ARHGEF10L: variants seen among roughly 807,000 people sequenced by gnomAD.
The protein encoded by ARHGEF10L is rho guanine nucleotide exchange factor 10-like protein.
Under a neutral mutation model 141.2 loss-of-function variants are expected in ARHGEF10L, and 69 were observed. That is an observed-to-expected ratio of 0.49 (90% CI 0.40 to 0.60). ARHGEF10L has a LOEUF of 0.60. Among genes scored for constraint, ARHGEF10L ranks in the 20% least tolerant of loss-of-function variants. ARHGEF10L has a pLI of 0.00. For missense variants in ARHGEF10L, 1,482 were observed against 1,734.3 expected, an observed-to-expected ratio of 0.85 and a Z score of 2.58; for synonymous variants, 711 against 718.5, an observed-to-expected ratio of 0.99 and a Z score of 0.17.
intron 18 of ARHGEF10L, 104 bp downstream of exon 18, chr1:17,635,120 A>C: frequency 7.2e-7 from 1 of 1,383,070 alleles, no homozygotes; most frequent in Non-Finnish European, 9.9e-7. Context: ...GGACCCCTAC[A>C]TAGGCTGATG....
chr1:17,618,258 C>G lies in ARHGEF10L; in HGVS notation c.836-1081C>G, dbSNP rs895694497. 28 of 1,185,206 alleles carry G rather than the reference C, an allele frequency of 2.4e-5. No homozygotes were observed. In the African/African-American group the frequency reaches 3.4e-4, roughly 14 times the overall value. The allele number at this position is 1,185,206 out of a possible 1,614,324, so 73.4% of individuals were successfully genotyped here. ...GCTGGCTAGGGCTCTCCTCAGCCCT[C>G]CCCACCCCGCCCACAAGCCCAGCGC... On this transcript the variant is annotated intron_variant, in intron 9 of 28. Transcript: ENST00000361221.
intron 6 of ARHGEF10L, among the ~76,000 whole-genome samples, chr1:17,605,054 G>C (rs970430482): frequency 6.6e-6 from 1 of 152,210 alleles, no homozygotes; most frequent in African/African-American, 2.4e-5. Flanking sequence ...TTTGTGACAA[G>C]GCTGCACAAA....
chr1:17,668,691 G>A (rs959788330), intron 26 of ARHGEF10L, among the ~76,000 whole-genome samples: 3 of 152,206 alleles, frequency 2.0e-5, no homozygotes, highest in Non-Finnish European at 4.4e-5. Flanking sequence ...GGGAGCACAC[G>A]CCCCCATGTG....
chr1:17,687,091 C>T (rs1203853608), intron 26 of ARHGEF10L, among the ~76,000 whole-genome samples: 2 of 152,130 alleles, frequency 1.3e-5, no homozygotes, highest in African/African-American at 4.8e-5. Context: ...CCCGTTCCTT[C>T]CCCGGTCATT....
At chr1:17,676,646 G>T (rs570874921) in intron 26 of ARHGEF10L, among the ~76,000 whole-genome samples, 1 of 152,044 alleles carries the variant, frequency 6.6e-6, no homozygotes, top group East Asian at 1.9e-4. Context: ...ATAGAACAAA[G>T]CTCCTATCAC....
upstream of ARHGEF10L, among the ~76,000 whole-genome samples, chr1:17,535,389 C>A (rs570571343): frequency 3.7e-4 from 57 of 152,344 alleles, no homozygotes; most frequent in African/African-American, 1.3e-3. Flanking sequence ...TGGTTCCTAA[C>A]AGGCCACAGC....
intron 1 of ARHGEF10L, among the ~76,000 whole-genome samples, chr1:17,548,785 A>G (rs987121850): frequency 2.1e-5 from 3 of 145,700 alleles, no homozygotes; most frequent in African/African-American, 7.7e-5. Flanking sequence ...AGTAGATGGG[A>G]TTACAGGTGC....
chr1:17,530,102 A>G, the ARHGEF10L span, among the ~76,000 whole-genome samples: 2 of 151,964 alleles, frequency 1.3e-5, no homozygotes, highest in African/African-American at 4.8e-5. Flanking sequence ...CAAAGTGCTG[A>G]GATTACAGAT....
chr1:17,673,418 G>A lies in ARHGEF10L; in HGVS notation c.3009+8823G>A, dbSNP rs1354337849. 1.3e-5 allele frequency among the ~76,000 whole-genome samples: 2 copies of A among 152,188 alleles called. No individual in the cohort carries two copies. Among genetic ancestry groups the A allele is most frequent in the Non-Finnish European group, 2.9e-5 (2 of 68,044 alleles). On this transcript the variant is annotated intron_variant, in intron 26 of 28. Coordinates refer to ENST00000361221, the MANE Select transcript of ARHGEF10L (RefSeq NM_018125.4). The surrounding 1 kb of genome is among the most constrained non-coding windows in gnomAD (Gnocchi z 4.1). ...CTTGGCAAGGAACAAATAGAGCCATGGACATGGATCCGCTGAATGTCAGCT... is the reference window on the plus strand; with the variant it reads ...CTTGGCAAGGAACAAATAGAGCCATAGACATGGATCCGCTGAATGTCAGCT...
rs2077412821 is a variant in ARHGEF10L, at chr1:17,558,169, G to GCATC, written c.-44+18234_-44+18237dup. Among the ~76,000 whole-genome samples, 6 of 149,654 alleles carry GCATC rather than the reference G, an allele frequency of 4.0e-5. No homozygotes were observed. The highest frequency in any genetic ancestry group is 2.1e-4 in the South Asian group (1 of 4,710). Reference sequence around the variant, plus strand: ...TCCATTTATCCATCCATCCATCTATGCATCCATCCATCCATCCACCCATCC... The same window carrying GCATC: ...TCCATTTATCCATCCATCCATCTATGCATCCATCCATCCATCCATCCACCCATCC... On this transcript the variant is annotated intron_variant, in intron 1 of 28. Coordinates refer to ENST00000361221, the MANE Select transcript of ARHGEF10L (RefSeq NM_018125.4). This position sits in a 1 kb window ranked among gnomAD's most constrained non-coding sequence, Gnocchi z 4.2.
intron 1 of ARHGEF10L, among the ~76,000 whole-genome samples, chr1:17,560,905 G>A (rs1027692621): frequency 2.0e-5 from 3 of 152,216 alleles, no homozygotes; most frequent in Admixed American, 1.3e-4. Context: ...GCACTGTGGG[G>A]ACACCCAGGG....
intron 15 of ARHGEF10L, among the ~76,000 whole-genome samples, chr1:17,628,808 A>G (rs1023206958): frequency 2.5e-4 from 38 of 152,218 alleles, no homozygotes; most frequent in African/African-American, 9.1e-4. Flanking sequence ...GGCCCTTTCC[A>G]TGTGTGCTGC....
Position 17,613,132 on chromosome 1 carries a change from G to T in ARHGEF10L, c.684G>T (p.Gly228=), listed in dbSNP as rs759241252. ...TKRDILALRV[G]GRDMQELKHK... ...GAGACATCTTGGCTTTGAGAGTTGG[G>T]GGGAGAGACATGCAGGAGCTGAAGC... The change falls in exon 8 of 29, where the codon GGG becomes GGT. Residue 228 remains glycine (G), a synonymous_variant. Transcript: ENST00000361221. The T allele has an allele frequency of 1.2e-6, 2 of 1,613,820 alleles. No individual in the cohort carries two copies. The highest frequency in any genetic ancestry group is 1.1e-5 in the South Asian group (1 of 91,002).
chr1:17,689,945 A>G (rs1255503380), intron 27 of ARHGEF10L: 5 of 426,224 alleles, frequency 1.2e-5, no homozygotes, highest in African/African-American at 2.1e-5. Flanking sequence ...TGTGTTTCAC[A>G]TGCACCTTCA....
At chr1:17,691,814 C>G (rs909789560) in intron 27 of ARHGEF10L, among the ~76,000 whole-genome samples, 9 of 152,088 alleles carry the variant, frequency 5.9e-5, no homozygotes, top group African/African-American at 9.7e-5. Context: ...TCCAAGTTTT[C>G]TCCTTTCCTT....
intron 26 of ARHGEF10L, among the ~76,000 whole-genome samples, chr1:17,670,853 C>T (rs1202684645): frequency 6.6e-6 from 1 of 152,228 alleles, no homozygotes; most frequent in Non-Finnish European, 1.5e-5. Context: ...CAGGCCTTCA[C>T]CTCTGTTGTT....
Position 17,603,243 on chromosome 1 carries a change from C to T in ARHGEF10L, c.350-265C>T, listed in dbSNP as rs991821017. ...GGGCCGGGAGCAGCTGTCCATTAGC[C>T]AGATGGGCAGGCCTGCGGGCAGCAG... On this transcript the variant is annotated intron_variant, in intron 5 of 28. Coordinates refer to ENST00000361221, the MANE Select transcript of ARHGEF10L (RefSeq NM_018125.4). The surrounding 1 kb of genome is among the most constrained non-coding windows in gnomAD (Gnocchi z 4.8). Among the ~76,000 whole-genome samples the T allele has an allele frequency of 7.2e-6, 1 of 139,714 alleles. No homozygotes were observed. Among genetic ancestry groups the T allele is most frequent in the Non-Finnish European group, 1.5e-5 (1 of 66,402 alleles). 91.7% of individuals were successfully genotyped at this position (139,714 alleles called of 152,430 possible).
In ARHGEF10L at chr1:17,656,563, C is replaced by A; in HGVS notation, c.2715C>A (p.Leu905=). 6.2e-7 allele frequency: 1 copy of A among 1,612,772 alleles called. No homozygotes were observed. The highest frequency in any genetic ancestry group is 8.5e-7 in the Non-Finnish European group (1 of 1,179,568). The part of the protein sequence containing the change: ...CLGLQDGSIL[L]YSSVDTGTQC... ...CAACCTCTCCCCGCAGCATCCTCCT[C>A]TACAGCAGTGTGGACACTGGCACCC... Residue 905 remains leucine, a synonymous_variant, in exon 25 of 29, where the codon CTC becomes CTA. Coordinates refer to ENST00000361221, the MANE Select transcript of ARHGEF10L (RefSeq NM_018125.4). The surrounding 1 kb of genome is among the most constrained non-coding windows in gnomAD (Gnocchi z 4.9).
chr1:17,656,919 G>A lies in ARHGEF10L; in HGVS notation c.2860+211G>A, dbSNP rs2062296118. Among the ~76,000 whole-genome samples the A allele has an allele frequency of 6.6e-6, 1 of 152,230 alleles. No individual in the cohort carries two copies. Among genetic ancestry groups the A allele is most frequent in the Admixed American group, 6.5e-5 (1 of 15,288 alleles). On this transcript the variant is annotated intron_variant, in intron 25 of 28. Transcript: ENST00000361221. The surrounding 1 kb of genome is among the most constrained non-coding windows in gnomAD (Gnocchi z 4.9). Reference sequence around the variant, plus strand: ...GCTGGAATAGGGTGCTCACTACCATGTGGGCAGTGGAACCTGTTGACAGGA... The same window carrying A: ...GCTGGAATAGGGTGCTCACTACCATATGGGCAGTGGAACCTGTTGACAGGA...
Sources: allele counts gnomAD v4.1 joint callset (sites outside exome capture counted in the v4.1 genomes callset), GRCh38; gene constraint gnomAD v4.1.1; non-coding constraint Gnocchi (gnomAD v3.1); transcripts MANE v1.5; gene names NCBI Gene and HGNC (gene_info 2026-07-23, HGNC 2026-07-21).